Variants in PURG observed in about 807,000 individuals in gnomAD.
PURG encodes the protein purine rich element binding protein G, also known as purine-rich element-binding protein gamma.
A neutral mutation model predicts 24.3 loss-of-function variants in PURG; 3 were observed. The observed-to-expected ratio is 0.12, with a 90% CI of 0.06 to 0.32. The LOEUF is 0.32. PURG is among the 10% of genes least tolerant of loss of function. PURG has a pLI of 1.00. For synonymous variants in PURG, 180 were observed against 173.1 expected (o/e 1.04, Z -0.31); for missense variants, 371 against 439.1 (o/e 0.84, Z 1.39).
downstream of PURG, among the ~76,000 whole-genome samples, chr8:31,030,659 A>G (rs1811176498): frequency 6.6e-6 from 1 of 151,884 alleles, no homozygotes. Context: ...GAAAAAAAAA[A>G]TCCCCACCCC....
chr8:31,015,824 G>C (rs1693543291), intron 1 of PURG, among the ~76,000 whole-genome samples: 1 of 152,144 alleles, frequency 6.6e-6, no homozygotes, highest in African/African-American at 2.4e-5. Context: ...GCTGAGGTGG[G>C]AGAAATGCTT....
chr8:31,004,845 G>A (rs1202458078), intron 1 of PURG, among the ~76,000 whole-genome samples: 2 of 152,118 alleles, frequency 1.3e-5, no homozygotes, highest in Non-Finnish European at 2.9e-5. Flanking sequence ...CAAAAGAGTA[G>A]CTCTTGATGC....
At chr8:31,014,466 G>A (rs902390276) in intron 1 of PURG, among the ~76,000 whole-genome samples, 1 of 152,114 alleles carries the variant, frequency 6.6e-6, no homozygotes, top group African/African-American at 2.4e-5. Context: ...CAGAATAAGA[G>A]TTTAAAAAAT....
chr8:31,029,640 CAT>C (rs1282360712), downstream of PURG, among the ~76,000 whole-genome samples: 3 of 151,624 alleles, frequency 2.0e-5, no homozygotes, highest in Admixed American at 6.6e-5. Context: ...TGTATACACT[CAT>C]AGCAATAGCG....
At chr8:31,029,523 T>C (rs965201127), downstream of PURG, among the ~76,000 whole-genome samples, 1 of 151,778 alleles carries the variant, frequency 6.6e-6, no homozygotes, top group African/African-American at 2.4e-5. Context: ...TGTGTGTATA[T>C]ATATAGATAT....
intron 1 of PURG, among the ~76,000 whole-genome samples, chr8:31,016,533 T>C (rs1476204606): frequency 7.2e-6 from 1 of 138,842 alleles, no homozygotes; most frequent in Non-Finnish European, 1.5e-5. Flanking sequence ...TTAAGCAATT[T>C]GTGCTGGAAA....
chr8:31,014,758 C>T (rs1441549469), intron 1 of PURG, among the ~76,000 whole-genome samples: 1 of 152,086 alleles, frequency 6.6e-6, no homozygotes, highest in African/African-American at 2.4e-5. Flanking sequence ...CAGGAAAAAG[C>T]CAAGGAAATT....
chr8:31,017,327 C>A (rs753537910), intron 1 of PURG, among the ~76,000 whole-genome samples: 3 of 151,676 alleles, frequency 2.0e-5, no homozygotes, highest in Non-Finnish European at 4.4e-5. Flanking sequence ...AAAATTTTTA[C>A]ATATATATGT....
intron 1 of PURG, among the ~76,000 whole-genome samples, chr8:31,025,288 A>C (rs908555731): frequency 6.6e-6 from 1 of 151,988 alleles, no homozygotes; most frequent in Non-Finnish European, 1.5e-5. Context: ...TCATTCCTAA[A>C]GATGAATTTT....
intron 1 of PURG, among the ~76,000 whole-genome samples, chr8:31,019,105 C>G: frequency 1.0e-5 from 1 of 95,354 alleles, no homozygotes; most frequent in Admixed American, 1.8e-4. Flanking sequence ...GCCTGGGTGA[C>G]AGAGCGAGAC....
chr8:31,020,391 C>T (rs371097792), intron 1 of PURG, among the ~76,000 whole-genome samples: 1 of 151,968 alleles, frequency 6.6e-6, no homozygotes, highest in Non-Finnish European at 1.5e-5. Flanking sequence ...TCTTTTAAGT[C>T]CTAATATTTA....
chr8:31,027,793 G>A (rs1811117701), downstream of PURG, among the ~76,000 whole-genome samples: 1 of 151,664 alleles, frequency 6.6e-6, no homozygotes, highest in Non-Finnish European at 1.5e-5. Context: ...GTTTTCAAAT[G>A]TACATCTTAA....
intron 1 of PURG, among the ~76,000 whole-genome samples, chr8:31,016,581 C>CAAAAAAAA (rs11433207): frequency 0.031 from 1,776 of 57,550 alleles, 142 homozygotes; most frequent in East Asian, 0.042. Flanking sequence ...TACCAAGAAC[C>CAAAAAAAA]AAAAAAAAAA....
intron 1 of PURG, among the ~76,000 whole-genome samples, chr8:31,015,649 C>A (rs1332903655): frequency 6.6e-6 from 1 of 152,088 alleles, no homozygotes; most frequent in Non-Finnish European, 1.5e-5. Flanking sequence ...GTTTAGGAGG[C>A]GGGTGAGAAA....
chr8:31,023,416 G>A (rs1811034527), intron 1 of PURG, among the ~76,000 whole-genome samples: 1 of 152,056 alleles, frequency 6.6e-6, no homozygotes, highest in Admixed American at 6.6e-5. Context: ...GAGGTCTAGG[G>A]AGAAACATGT....
At chr8:31,029,443 C>T (rs1811148401), downstream of PURG, among the ~76,000 whole-genome samples, 2 of 151,614 alleles carry the variant, frequency 1.3e-5, no homozygotes, top group South Asian at 4.2e-4. Context: ...AGATATTTAT[C>T]TTTAAGTCTG....
intron 1 of PURG, among the ~76,000 whole-genome samples, chr8:31,016,795 T>A (rs921593357): frequency 8.5e-5 from 13 of 152,112 alleles, no homozygotes; most frequent in African/African-American, 2.9e-4. Flanking sequence ...CACTTGTGTT[T>A]GAGAATCACT....
intron 1 of PURG, among the ~76,000 whole-genome samples, chr8:31,004,249 A>C (rs889919476): frequency 1.3e-5 from 2 of 152,240 alleles, no homozygotes; most frequent in Admixed American, 1.3e-4. Context: ...GCTTGGAATT[A>C]CAGATCAAAA....
intron 1 of PURG, among the ~76,000 whole-genome samples, chr8:30,997,354 T>C (rs1038133321): frequency 1.3e-5 from 2 of 151,768 alleles, no homozygotes; most frequent in African/African-American, 4.8e-5. Context: ...TAGGTCTACA[T>C]TGAAGATTGT....
Sources: gnomAD v4.1 joint callset for allele counts (sites outside exome capture counted in the v4.1 genomes callset) on GRCh38, gnomAD v4.1.1 for gene constraint, MANE v1.5 for transcripts, NCBI Gene and HGNC (gene_info 2026-07-23, HGNC 2026-07-21) for gene names.